Variants in ABI3BP observed in about 807,000 individuals in gnomAD.
ABI3BP encodes ABI family member 3 binding protein.
A neutral mutation model predicts 268.6 loss-of-function variants in ABI3BP; 216 were observed. The observed-to-expected ratio is 0.80, with a 90% CI of 0.72 to 0.90. The LOEUF (loss-of-function observed/expected upper bound fraction) is 0.90, where lower values mean the gene tolerates loss of function less well. Among genes scored for constraint, ABI3BP ranks in the 40% least tolerant of loss-of-function variants. The pLI is 0.00. For synonymous variants in ABI3BP, 730 were observed against 730.0 expected, an observed-to-expected ratio of 1.00 and a Z score of 0.00; for missense variants, 2,090 against 2,182.4, an observed-to-expected ratio of 0.96 and a Z score of 0.84.
chr3:100,870,660 AG>A (rs2153228480), intron 9 of ABI3BP, among the ~76,000 whole-genome samples: 1 of 152,356 alleles, frequency 6.6e-6, no homozygotes, highest in South Asian at 2.1e-4. Flanking sequence ...AATTAAAAAT[AG>A]AACTACCTTA....
chr3:100,904,199 T>A (rs191427212), intron 2 of ABI3BP, among the ~76,000 whole-genome samples: 2 of 152,278 alleles, frequency 1.3e-5, no homozygotes, highest in East Asian at 3.9e-4. Flanking sequence ...AATTTGTAGA[T>A]GAGATAACTG....
At chr3:100,919,103 C>T (rs2059516285) in intron 2 of ABI3BP, among the ~76,000 whole-genome samples, 1 of 152,138 alleles carries the variant, frequency 6.6e-6, no homozygotes, top group Non-Finnish European at 1.5e-5. Flanking sequence ...GAAGAGAGGG[C>T]TCAGCTGGCT....
chr3:100,911,126 A>G, intron 2 of ABI3BP: 1 of 343,800 alleles, frequency 2.9e-6, no homozygotes, highest in Non-Finnish European at 5.7e-6. Context: ...GATTTCTTGA[A>G]TTGTCATCTG....
At chr3:100,935,528 A>C (rs2065670558) in intron 1 of ABI3BP, among the ~76,000 whole-genome samples, 1 of 151,914 alleles carries the variant, frequency 6.6e-6, no homozygotes, top group African/African-American at 2.4e-5. Flanking sequence ...GTCAATGGTA[A>C]TTTGATCAGG....
intron 34 of ABI3BP, among the ~76,000 whole-genome samples, chr3:100,826,338 A>G (rs1395188154): frequency 6.6e-6 from 1 of 152,162 alleles, no homozygotes; most frequent in African/African-American, 2.4e-5. Context: ...TCTTTTTCAA[A>G]TGGAAATTAA....
Position 100,851,943 on chromosome 3 carries a change from TAAAAA to T in ABI3BP, c.1286-8_1286-4del. ...GCTTGAGAAAACATCATAAGTTGCTTAAAAAAAAAAAAAAGGCAAAACAAGAGAGA... is the reference window on the plus strand; with the variant it reads ...GCTTGAGAAAACATCATAAGTTGCTTAAAAAAAAAGGCAAAACAAGAGAGA... On this transcript the variant is annotated splice_polypyrimidine_tract_variant and splice_region_variant and intron_variant, in intron 14 of 67. Coordinates refer to ENST00000471714, the MANE Select transcript of ABI3BP (RefSeq NM_001375547.2). 7.2e-7 allele frequency: 1 copy of T among 1,391,358 alleles called. No individual in the cohort carries two copies. The highest frequency in any genetic ancestry group is 9.6e-7 in the Non-Finnish European group (1 of 1,042,242). 86.2% of individuals were successfully genotyped at this position (1,391,358 alleles called of 1,614,324 possible). A position where few individuals can be genotyped will look rare whatever the true frequency, so the allele number is the denominator to read the frequency against.
rs1560811330 is a variant in ABI3BP, at chr3:100,850,743, A to AT, written c.1352-10dup. The AT allele has an allele frequency of 6.2e-7, 1 of 1,606,494 alleles. No individual in the cohort carries two copies. The highest frequency in any genetic ancestry group is 2.2e-5 in the East Asian group (1 of 44,764). On this transcript the variant is annotated splice_polypyrimidine_tract_variant and intron_variant, in intron 15 of 67. Coordinates refer to ENST00000471714, the MANE Select transcript of ABI3BP (RefSeq NM_001375547.2). ...AATACGATCACTTGTTGCTGTTGGA[A>AT]TAAATGTCAACATTTGTAAAAGCAG...
intron 1 of ABI3BP, among the ~76,000 whole-genome samples, chr3:100,955,108 A>C (rs1410276465): frequency 1.3e-5 from 2 of 151,430 alleles, no homozygotes; most frequent in Non-Finnish European, 2.9e-5. Context: ...CAGTCAGCAC[A>C]TGTGTCATCA....
intron 2 of ABI3BP, among the ~76,000 whole-genome samples, chr3:100,920,216 A>G (rs1167131850): frequency 6.6e-6 from 1 of 152,192 alleles, no homozygotes; most frequent in Non-Finnish European, 1.5e-5. Context: ...ACTGCCACTT[A>G]GACCAGGCTT....
chr3:100,808,187 C>A lies in ABI3BP; in HGVS notation c.3656G>T (p.Arg1219Leu), dbSNP rs202241381. The A allele has an allele frequency of 6.2e-7, 1 of 1,611,116 alleles. No homozygotes were observed. Among genetic ancestry groups the A allele is most frequent in the Non-Finnish European group, 8.5e-7 (1 of 1,178,262 alleles). The change falls in exon 50 of 68, where the codon CGC (arginine) becomes CTC (leucine). Residue 1219 changes from arginine (R) to leucine (L), a missense_variant. Coordinates refer to ENST00000471714, the MANE Select transcript of ABI3BP (RefSeq NM_001375547.2). ...TGGTTGTGTTTGTGGGATTCTTGGG[C>A]GTGGTGATGTTTTTGGCTTAGGAGG... ...RAPPKPKTSPRPRIPQTQPVP... is the reference protein window; with the variant it reads ...RAPPKPKTSPLPRIPQTQPVP...
At chr3:100,860,980 GC>G (rs1373768750) in intron 14 of ABI3BP, among the ~76,000 whole-genome samples, 1 of 152,036 alleles carries the variant, frequency 6.6e-6, no homozygotes, top group Non-Finnish European at 1.5e-5. Context: ...CTGGGTGATG[GC>G]TACTGAACCC....
At chr3:100,922,280 A>G (rs1273854675) in intron 2 of ABI3BP, among the ~76,000 whole-genome samples, 1 of 152,204 alleles carries the variant, frequency 6.6e-6, no homozygotes, top group Non-Finnish European at 1.5e-5. Context: ...TTAAACATAC[A>G]GCTTGTGGCA....
chr3:100,754,603 T>G lies in ABI3BP; in HGVS notation c.4930+9A>C. 1 of 1,572,000 alleles carries G rather than the reference T, an allele frequency of 6.4e-7. No homozygotes were observed. Among genetic ancestry groups the G allele is most frequent in the Non-Finnish European group, 8.6e-7 (1 of 1,156,816 alleles). ...CATCCTTTTTGGGAATTACTGTTGA[T>G]GTAATTACCTGATTCAGTACTGAAT... On this transcript the variant is annotated intron_variant, in intron 64 of 67. Transcript: ENST00000471714.
intron 57 of ABI3BP, 113 bp from the exon 58 acceptor site, chr3:100,780,322 T>C: frequency 1.0e-6 from 1 of 957,264 alleles, no homozygotes. Flanking sequence ...GCATTGGTGT[T>C]TTTATGCCAA....
At chr3:100,925,881 T>C (rs961460130) in intron 2 of ABI3BP, among the ~76,000 whole-genome samples, 2 of 151,968 alleles carry the variant, frequency 1.3e-5, no homozygotes, top group African/African-American at 4.8e-5. Context: ...TTCTCTGAAA[T>C]ACTCTAAATT....
At position 100,808,169 on chromosome 3, in the gene ABI3BP, G is replaced by T. The variant is rs1290011293; in HGVS notation, c.3674C>A (p.Thr1225Lys). 6.2e-7 allele frequency: 1 copy of T among 1,611,162 alleles called. No individual in the cohort carries two copies. Among genetic ancestry groups the T allele is most frequent in the African/African-American group, 1.3e-5 (1 of 74,774 alleles). Residue 1225 changes from threonine (T) to lysine (K), a missense_variant, in exon 50 of 68, where the codon ACA becomes AAA. By Grantham distance (78) the Thr-to-Lys change is moderately conservative (BLOSUM62 -1). Coordinates refer to ENST00000471714, the MANE Select transcript of ABI3BP (RefSeq NM_001375547.2). ...KTSPRPRIPQ[T>K]QPVPKVPQRV... ...GTAAAATATATATTTACCTGGTTGTGTTTGTGGGATTCTTGGGCGTGGTGA... is the reference window on the plus strand; with the variant it reads ...GTAAAATATATATTTACCTGGTTGTTTTTGTGGGATTCTTGGGCGTGGTGA...
intron 13 of ABI3BP, 62 bp from the exon 14 acceptor site, chr3:100,862,447 C>G: frequency 1.7e-6 from 2 of 1,146,408 alleles, no homozygotes; most frequent in Non-Finnish European, 2.5e-6. Context: ...GAGAACGAGA[C>G]AGAAATAGGT....
intron 1 of ABI3BP, among the ~76,000 whole-genome samples, chr3:100,963,565 T>C (rs186019972): frequency 1.3e-5 from 2 of 152,302 alleles, no homozygotes. Flanking sequence ...AACATATAGC[T>C]CACGCTTAGG....
At chr3:100,863,477 G>A (rs12634885) in intron 12 of ABI3BP, 7,742 of 156,670 alleles carry the variant, frequency 0.049, 573 homozygotes, top group East Asian at 0.16. Flanking sequence ...CACCATGCCA[G>A]TCTAATTTTT....
Sources: allele counts gnomAD v4.1 joint callset (sites outside exome capture counted in the v4.1 genomes callset), GRCh38; gene constraint gnomAD v4.1.1; transcripts MANE v1.5; gene names NCBI Gene and HGNC (gene_info 2026-07-23, HGNC 2026-07-21).